ADAMTS16: variants seen among roughly 807,000 people sequenced by gnomAD.
The protein encoded by ADAMTS16 is ADAM metallopeptidase with thrombospondin type 1 motif 16, also known as A disintegrin and metalloproteinase with thrombospondin motifs 16.
Under a neutral mutation model 145.8 loss-of-function variants are expected in ADAMTS16, and 94 were observed. The observed-to-expected ratio is 0.64, with a 90% confidence interval of 0.55 to 0.77. The LOEUF is 0.77. Among genes scored for constraint, ADAMTS16 ranks in the 30% least tolerant of loss-of-function variants. The probability of loss-of-function intolerance (pLI) is 0.00; values close to 1 mark genes in which losing one functional copy is unlikely to be tolerated. For missense variants in ADAMTS16, 1,585 were observed against 1,591.5 expected, an observed-to-expected ratio of 1.00 and a Z score of 0.07; for synonymous variants, 659 against 604.3, an observed-to-expected ratio of 1.09 and a Z score of -1.33.
At chr5:5,192,180 C>T (rs531414489) in intron 8 of ADAMTS16, among the ~76,000 whole-genome samples, 11 of 152,202 alleles carry the variant, frequency 7.2e-5, no homozygotes, top group African/African-American at 2.2e-4. Flanking sequence ...GACAGGGTTT[C>T]GCCGTGTTGC....
chr5:5,189,818 G>C (rs1735607239), intron 6 of ADAMTS16, among the ~76,000 whole-genome samples, 153 bp from the exon 7 acceptor site: 1 of 152,180 alleles, frequency 6.6e-6, no homozygotes. Context: ...GGGTTTTATA[G>C]AATACGTAAA....
intron 9 of ADAMTS16, among the ~76,000 whole-genome samples, chr5:5,208,252 C>A (rs1357894826): frequency 6.6e-6 from 1 of 152,162 alleles, no homozygotes; most frequent in African/African-American, 2.4e-5. Flanking sequence ...GGTGGACAAC[C>A]ACTCAGAGCC....
At chr5:5,149,697 A>G (rs1357175868) in intron 3 of ADAMTS16, among the ~76,000 whole-genome samples, 2 of 152,168 alleles carry the variant, frequency 1.3e-5, no homozygotes, top group African/African-American at 2.4e-5. Context: ...CACCTCAAAA[A>G]TAAACCCTTA....
At chr5:5,218,735 A>G (rs1736506757) in intron 10 of ADAMTS16, among the ~76,000 whole-genome samples, 1 of 152,200 alleles carries the variant, frequency 6.6e-6, no homozygotes, top group Non-Finnish European at 1.5e-5. Flanking sequence ...GGGAATCAGA[A>G]GAGCAGGATG....
At chr5:5,251,836 A>G (rs1421807843) in intron 17 of ADAMTS16, among the ~76,000 whole-genome samples, 1 of 152,104 alleles carries the variant, frequency 6.6e-6, no homozygotes, top group Non-Finnish European at 1.5e-5. Context: ...AGCCCTGGGC[A>G]TGGGGCCAAG....
chr5:5,292,128 G>A (rs971762614), intron 18 of ADAMTS16, among the ~76,000 whole-genome samples: 2 of 152,178 alleles, frequency 1.3e-5, no homozygotes, highest in African/African-American at 4.8e-5. Context: ...CAGGAGACTT[G>A]AGTAGAAATT....
chr5:5,270,351 T>C (rs1295880730), intron 18 of ADAMTS16, among the ~76,000 whole-genome samples: 4 of 152,200 alleles, frequency 2.6e-5, no homozygotes, highest in East Asian at 1.9e-4. Context: ...CTGGGCGGCA[T>C]TGCACCTTGT....
At chr5:5,231,837 G>A (rs1205003665) in intron 11 of ADAMTS16, among the ~76,000 whole-genome samples, 2 of 152,174 alleles carry the variant, frequency 1.3e-5, no homozygotes, top group Non-Finnish European at 2.9e-5. Flanking sequence ...TGGAAGCTGC[G>A]TGACCTCTAA....
chr5:5,297,814 T>C (rs1739607117), intron 18 of ADAMTS16, among the ~76,000 whole-genome samples: 1 of 152,246 alleles, frequency 6.6e-6, no homozygotes, highest in African/African-American at 2.4e-5. Context: ...AAAGAAATCC[T>C]GCATTTAGAG....
chr5:5,293,239 T>C (rs1204720238), intron 18 of ADAMTS16, among the ~76,000 whole-genome samples: 2 of 152,190 alleles, frequency 1.3e-5, no homozygotes, highest in Non-Finnish European at 1.5e-5. Flanking sequence ...GGGTGTGGCA[T>C]TGAACCTGAG....
chr5:5,186,892 A>C (rs1735517757), intron 5 of ADAMTS16, among the ~76,000 whole-genome samples: 1 of 152,232 alleles, frequency 6.6e-6, no homozygotes, highest in South Asian at 2.1e-4. Flanking sequence ...AATATTTTAA[A>C]AGTATGTCTT....
Position 5,186,252 on chromosome 5 carries a change from GTAGGATCAT to G in ADAMTS16, c.963+2_963+10del. 1 of 1,612,846 alleles carries G rather than the reference GTAGGATCAT, an allele frequency of 6.2e-7. No individual in the cohort carries two copies. The highest frequency in any genetic ancestry group is 2.2e-5 in the East Asian group (1 of 44,860). ...CTACGTGCTCACGATACTCAACATGGTAGGATCATCCTTCCAGTTGAGGCCACCTGTGTC... is the reference window on the plus strand; with the variant it reads ...CTACGTGCTCACGATACTCAACATGGCCTTCCAGTTGAGGCCACCTGTGTC... On this transcript the variant is annotated splice_donor_variant and splice_donor_5th_base_variant and intron_variant, in intron 5 of 22. Transcript: ENST00000274181. LOFTEE classifies it high-confidence loss of function.
chr5:5,221,084 C>T (rs1266950032), intron 10 of ADAMTS16, among the ~76,000 whole-genome samples: 1 of 151,866 alleles, frequency 6.6e-6, no homozygotes, highest in African/African-American at 2.4e-5. Flanking sequence ...CATATTGCCA[C>T]CCAGACATCG....
intron 10 of ADAMTS16, among the ~76,000 whole-genome samples, chr5:5,217,262 A>C (rs62338163): frequency 0.13 from 20,312 of 151,800 alleles, 1,344 homozygotes; most frequent in East Asian, 0.16. Flanking sequence ...AAGAAAACCT[A>C]GGCATTACCA....
At chr5:5,318,434 A>G (rs1734145985) in intron 22 of ADAMTS16, among the ~76,000 whole-genome samples, 153 bp downstream of exon 22, 1 of 152,222 alleles carries the variant, frequency 6.6e-6, no homozygotes, top group Non-Finnish European at 1.5e-5. Flanking sequence ...GAAATGGTCC[A>G]TAGAGCAGAC....
intron 2 of ADAMTS16, among the ~76,000 whole-genome samples, chr5:5,145,703 A>C (rs139148292): frequency 9.8e-5 from 15 of 152,370 alleles, no homozygotes; most frequent in African/African-American, 3.4e-4. Context: ...TTGATTTCTT[A>C]AAGAGTAATC....
intron 5 of ADAMTS16, 98 bp downstream of exon 5, chr5:5,186,349 G>C: frequency 9.1e-7 from 1 of 1,099,132 alleles, no homozygotes; most frequent in Non-Finnish European, 1.3e-6. Flanking sequence ...CATTTTACTT[G>C]TTACCTGTGG....
intron 21 of ADAMTS16, among the ~76,000 whole-genome samples, chr5:5,309,281 T>G (rs1456853240): frequency 2.0e-5 from 3 of 152,232 alleles, no homozygotes; most frequent in Non-Finnish European, 4.4e-5. Flanking sequence ...ACTTCTTCGT[T>G]CTCATGGCGT....
intron 10 of ADAMTS16, among the ~76,000 whole-genome samples, chr5:5,213,810 C>T (rs1025871728): frequency 2.0e-5 from 3 of 152,218 alleles, no homozygotes; most frequent in Non-Finnish European, 4.4e-5. Flanking sequence ...CCCTCATCAG[C>T]TTTCAGCCTG....
Sources: gnomAD v4.1 joint callset for allele counts (sites outside exome capture counted in the v4.1 genomes callset) on GRCh38, gnomAD v4.1.1 for gene constraint, MANE v1.5 for transcripts, NCBI Gene and HGNC (gene_info 2026-07-23, HGNC 2026-07-21) for gene names.